The following RCAN1 variants were observed in gnomAD, a reference collection of about 807,000 sequenced individuals.
RCAN1 encodes the protein regulator of calcineurin 1.
Under a neutral mutation model 22.9 loss-of-function variants are expected in RCAN1, and 11 were observed. The ratio of observed to expected loss-of-function variants is 0.48; its 90% CI spans 0.30 to 0.79. The LOEUF (loss-of-function observed/expected upper bound fraction) is 0.79, where lower values mean the gene tolerates loss of function less well. RCAN1 is among the 30% of genes least tolerant of loss of function. The pLI, the probability that RCAN1 is intolerant of heterozygous loss-of-function variation, is 0.06. For synonymous variants in RCAN1, 136 were observed against 142.3 expected (o/e 0.96, Z 0.32); for missense variants, 291 against 337.8 (o/e 0.86, Z 1.09).
intron 1 of RCAN1, chr21:34,525,103 G>C (rs1984932349): frequency 1.3e-6 from 2 of 1,550,618 alleles, no homozygotes; most frequent in Non-Finnish European, 1.7e-6. Context: ...AGAACCTATG[G>C]AAGGCGCAGT....
At chr21:34,602,114 C>T (rs972492482) in intron 1 of RCAN1, among the ~76,000 whole-genome samples, 1 of 152,160 alleles carries the variant, frequency 6.6e-6, no homozygotes, top group Non-Finnish European at 1.5e-5. Context: ...TATCTCCTGT[C>T]CTTGATACGA....
At position 34,614,751 on chromosome 21, in the gene RCAN1, G is replaced by A. The variant is rs777222880; in HGVS notation, c.252+9C>T. ...TCCGCCCCGACGGCCCGCCCGGCGC[G>A]GTCCTCACCCGGCACAGGCCGTCCA... is the stretch of plus-strand genomic sequence containing the variant. On this transcript the variant is annotated intron_variant, in intron 1 of 3. Coordinates refer to ENST00000313806, the MANE Select transcript of RCAN1 (RefSeq NM_004414.7). This position sits in a 1 kb window ranked among gnomAD's most constrained non-coding sequence, Gnocchi z 6.0. The A allele has an allele frequency of 1.4e-6, 2 of 1,421,624 alleles. No homozygotes were observed. Among genetic ancestry groups the A allele is most frequent in the East Asian group, 3.3e-5 (1 of 29,852 alleles). The allele number at this position is 1,421,624 out of a possible 1,614,324, so 88.1% of individuals were successfully genotyped here. A position where few individuals can be genotyped will look rare whatever the true frequency, so the allele number is the denominator to read the frequency against.
At chr21:34,599,055 T>C (rs559303217) in intron 1 of RCAN1, among the ~76,000 whole-genome samples, 1 of 152,130 alleles carries the variant, frequency 6.6e-6, no homozygotes, top group Non-Finnish European at 1.5e-5. Flanking sequence ...CTGGGGGTAA[T>C]ACATCAGTAT....
rs562504311 is a variant in RCAN1, at chr21:34,518,107, A to G, written c.736T>C (p.Tyr246His). 1.5e-5 allele frequency: 25 copies of G among 1,614,070 alleles called. No homozygotes were observed. Among genetic ancestry groups the G allele is most frequent in the Non-Finnish European group, 2.0e-5 (24 of 1,180,014 alleles). Residue 246 changes from tyrosine to histidine, a missense_variant, in exon 4 of 4, where the codon TAC becomes CAC. Coordinates refer to ENST00000313806, the MANE Select transcript of RCAN1 (RefSeq NM_004414.7). This position sits in a 1 kb window ranked among gnomAD's most constrained non-coding sequence, Gnocchi z 4.2. Reference sequence around the variant, plus strand: ...GTTCAGCTGAGGTGGATCGGCGTGTACTCCGGCCTCCTGGTCTGGATAATT... The same window carrying G: ...GTTCAGCTGAGGTGGATCGGCGTGTGCTCCGGCCTCCTGGTCTGGATAATT... ...PKIIQTRRPE[Y>H]TPIHLS
intron 1 of RCAN1, among the ~76,000 whole-genome samples, chr21:34,588,248 A>G (rs1987864306): frequency 6.6e-6 from 1 of 152,166 alleles, no homozygotes; most frequent in African/African-American, 2.4e-5. Context: ...CAGACAAGCA[A>G]AACTCCTCTA....
At chr21:34,541,033 A>G (rs1428467453) in intron 1 of RCAN1, among the ~76,000 whole-genome samples, 1 of 152,162 alleles carries the variant, frequency 6.6e-6, no homozygotes, top group Non-Finnish European at 1.5e-5. Flanking sequence ...ATACTAAGCC[A>G]TGACCAGGTG....
chr21:34,563,514 G>T (rs568499074), intron 1 of RCAN1, among the ~76,000 whole-genome samples: 1 of 151,978 alleles, frequency 6.6e-6, no homozygotes, highest in Non-Finnish European at 1.5e-5. Flanking sequence ...AGCACCAAGG[G>T]CAGGGAAGCA....
chr21:34,555,313 T>G (rs1019916684), intron 1 of RCAN1, among the ~76,000 whole-genome samples: 1 of 152,162 alleles, frequency 6.6e-6, no homozygotes, highest in African/African-American at 2.4e-5. Context: ...AGAATGGATA[T>G]TTGGTGATAT....
chr21:34,575,707 A>G (rs1461986254), intron 1 of RCAN1, among the ~76,000 whole-genome samples: 1 of 152,116 alleles, frequency 6.6e-6, no homozygotes, highest in Non-Finnish European at 1.5e-5. Context: ...TTCAAAAGGC[A>G]TTTAACATAG....
chr21:34,529,678 T>G (rs1458080164), intron 1 of RCAN1, among the ~76,000 whole-genome samples: 1 of 152,202 alleles, frequency 6.6e-6, no homozygotes, highest in Non-Finnish European at 1.5e-5. Flanking sequence ...GCAAGTATAT[T>G]CCTGATTCTT....
chr21:34,545,247 C>T (rs1346401540), intron 1 of RCAN1, among the ~76,000 whole-genome samples: 3 of 152,216 alleles, frequency 2.0e-5, no homozygotes, highest in African/African-American at 7.2e-5. Context: ...CACAGCATTG[C>T]ACAACGGGCA....
At chr21:34,563,985 A>G (rs1244469391) in intron 1 of RCAN1, among the ~76,000 whole-genome samples, 1 of 150,944 alleles carries the variant, frequency 6.6e-6, no homozygotes, top group Non-Finnish European at 1.5e-5. Context: ...AAAAAGAACT[A>G]CCCGACATTG....
At chr21:34,608,091 T>G (rs1222600764) in intron 1 of RCAN1, among the ~76,000 whole-genome samples, 1 of 152,202 alleles carries the variant, frequency 6.6e-6, no homozygotes, top group African/African-American at 2.4e-5. Flanking sequence ...GAAAACAAGC[T>G]TAGGGCTTCT....
chr21:34,592,132 G>T (rs545788468), intron 1 of RCAN1, among the ~76,000 whole-genome samples: 5 of 152,276 alleles, frequency 3.3e-5, no homozygotes, highest in African/African-American at 1.2e-4. Flanking sequence ...AAAAATGATG[G>T]GGAGCCAGAA....
intron 1 of RCAN1, among the ~76,000 whole-genome samples, chr21:34,533,116 A>G (rs534971760): frequency 3.0e-4 from 46 of 151,468 alleles, no homozygotes; most frequent in East Asian, 9.7e-4. Context: ...GCCCGCCACC[A>G]CGCCCGGCTA....
intron 1 of RCAN1, among the ~76,000 whole-genome samples, chr21:34,590,303 T>C (rs577691418): frequency 9.2e-5 from 14 of 152,364 alleles, no homozygotes; most frequent in Admixed American, 9.1e-4. Context: ...TATCTGTCTC[T>C]CCCATGAAAA....
chr21:34,588,360 C>T (rs1382737158), intron 1 of RCAN1, among the ~76,000 whole-genome samples: 1 of 152,090 alleles, frequency 6.6e-6, no homozygotes, highest in Non-Finnish European at 1.5e-5. Context: ...GGTGTGCTGG[C>T]ATTGTTCTAT....
intron 1 of RCAN1, chr21:34,560,315 A>G (rs769986860): frequency 6.6e-6 from 1 of 152,224 alleles, no homozygotes; most frequent in African/African-American, 2.4e-5. Context: ...CAGGTGGCTA[A>G]TTCTAAAGTT....
At chr21:34,529,318 T>C (rs970130043) in intron 1 of RCAN1, among the ~76,000 whole-genome samples, 1 of 152,182 alleles carries the variant, frequency 6.6e-6, no homozygotes, top group African/African-American at 2.4e-5. Flanking sequence ...AGATTTGAGT[T>C]TCCAAAGTGC....
Sources: gnomAD v4.1 joint callset for allele counts (sites outside exome capture counted in the v4.1 genomes callset) on GRCh38, gnomAD v4.1.1 for gene constraint, Gnocchi (gnomAD v3.1) non-coding constraint, MANE v1.5 for transcripts, NCBI Gene and HGNC (gene_info 2026-07-23, HGNC 2026-07-21) for gene names.